Variants in FAAP20 observed in about 807,000 individuals in gnomAD.
The protein encoded by FAAP20 is FA core complex associated protein 20.
Under a neutral mutation model 16.2 loss-of-function variants are expected in FAAP20, and 12 were observed. The observed-to-expected ratio is 0.74, with a 90% CI of 0.48 to 1.20. The LOEUF is 1.20. FAAP20 is among the 50% of genes most tolerant of loss of function. The pLI, the probability that FAAP20 is intolerant of heterozygous loss-of-function variation, is 0.00. For missense variants in FAAP20, 288 were observed against 245.8 expected (o/e 1.17, Z -1.15); for synonymous variants, 141 against 110.7 (o/e 1.27, Z -1.72).
chr1:2,207,217 G>T (rs1302204552), downstream of FAAP20, among the ~76,000 whole-genome samples: 1 of 152,174 alleles, frequency 6.6e-6, no homozygotes, highest in Non-Finnish European at 1.5e-5. Flanking sequence ...GGTCCTGGTG[G>T]GGGCAGAGCT....
At chr1:2,208,401 A>T (rs1689345096), downstream of FAAP20, among the ~76,000 whole-genome samples, 1 of 152,070 alleles carries the variant, frequency 6.6e-6, no homozygotes, top group African/African-American at 2.4e-5. Flanking sequence ...TTGCAATCCA[A>T]ACTTGTTGTT....
At chr1:2,194,790 C>T, upstream of FAAP20, 1 of 1,117,630 alleles carries the variant, frequency 8.9e-7, no homozygotes, top group Non-Finnish European at 1.1e-6. Context: ...AGCCCCGCCC[C>T]CGCCCCTCCA....
At chr1:2,204,036 T>G (rs1284079493), upstream of FAAP20, among the ~76,000 whole-genome samples, 1 of 152,194 alleles carries the variant, frequency 6.6e-6, no homozygotes, top group African/African-American at 2.4e-5. Flanking sequence ...CCCTCCAGCC[T>G]GGGAGAGCCA....
chr1:2,190,221 G>A (rs1199320464), intron 3 of FAAP20: 6 of 459,922 alleles, frequency 1.3e-5, no homozygotes, highest in Non-Finnish European at 2.2e-5. Context: ...TGGATGTGCA[G>A]CTCACGTCAG....
intron 3 of FAAP20, chr1:2,190,184 G>C (rs866922682): frequency 2.1e-6 from 1 of 473,748 alleles, no homozygotes; most frequent in Middle Eastern, 3.2e-4. Flanking sequence ...GTCTACAGGA[G>C]GCAGAAGAGT....
At chr1:2,189,932 G>A in intron 3 of FAAP20, 151 bp from the exon 4 acceptor site, 2 of 674,896 alleles carry the variant, frequency 3.0e-6, no homozygotes, top group South Asian at 1.6e-5. Flanking sequence ...AGGGGCTCAT[G>A]CACCCGGCAG....
chr1:2,211,900 CT>C (rs60874812), downstream of FAAP20, among the ~76,000 whole-genome samples: 618 of 98,974 alleles, frequency 6.2e-3, 1 homozygote, highest in East Asian at 0.012. Flanking sequence ...CAAGCTGCTG[CT>C]TTTTTTTTTT....
chr1:2,199,266 C>G (rs1375058636), upstream of FAAP20: 4 of 1,098,886 alleles, frequency 3.6e-6, no homozygotes, highest in Non-Finnish European at 4.5e-6. The surrounding 1 kb of genome is among the most constrained non-coding windows in gnomAD (Gnocchi z 4.5). Flanking sequence ...GGTTCACACC[C>G]TCCCACAGCC....
chr1:2,190,779 A>G (rs1688130340), intron 3 of FAAP20: 1 of 274,648 alleles, frequency 3.6e-6, no homozygotes, highest in Non-Finnish European at 7.5e-6. Context: ...TGAGCGGCCA[A>G]GTCCACAGGA....
downstream of FAAP20, among the ~76,000 whole-genome samples, chr1:2,211,427 ATATATATATTTTTTTTTTT>A (rs1689440366): frequency 4.7e-5 from 1 of 21,084 alleles, no homozygotes; most frequent in Non-Finnish European, 7.0e-5. Context: ...ATATATATAT[ATATATATATTTTTTTTTTT>A]TTTTTTTTTT....
chr1:2,193,753 G>A lies in FAAP20; in HGVS notation c.356C>T (p.Pro119Leu), dbSNP rs998875403. Residue 119 changes from proline (P) to leucine (L), a missense_variant, in exon 3 of 4, where the codon CCC (proline) becomes CTC (leucine). Coordinates refer to ENST00000378546, the MANE Select transcript of FAAP20 (RefSeq NM_182533.4). ...GHLESPARSLPQRPAPDPCRA... is the reference protein window; with the variant it reads ...GHLESPARSLLQRPAPDPCRA... ...GCAGGGATCAGGTGCCGGGCGCTGG[G>A]GCAGGGACCTGGCGGGGGATTCCAG... 6 of 1,593,064 alleles carry A rather than the reference G, an allele frequency of 3.8e-6. No individual in the cohort carries two copies. The African/African-American group carries it at 5.4e-5, about 14-fold the overall frequency.
At chr1:2,193,466 C>T in intron 3 of FAAP20, 173 bp downstream of exon 3, 3 of 1,041,162 alleles carry the variant, frequency 2.9e-6, no homozygotes, top group Admixed American at 6.3e-5. Context: ...GACCCCAGAC[C>T]CGTGACAGAG....
rs1688261827 is a variant in FAAP20 at position 2,191,817 on chromosome 1, A to C, written c.470+1822T>G. ...GAGACAAAACGCAGCTCTGGCTCTC[A>C]ACATCCTCACCCCTCACCAGGTGCC... On this transcript the variant is annotated intron_variant, in intron 3 of 3. Coordinates refer to ENST00000378546, the MANE Select transcript of FAAP20 (RefSeq NM_182533.4). 9 of 984,926 alleles carry C rather than the reference A, an allele frequency of 9.1e-6. No individual in the cohort carries two copies. In the South Asian group the frequency reaches 3.8e-4, roughly 41 times the overall value. 61.0% of individuals were successfully genotyped at this position (984,926 alleles called of 1,614,324 possible).
chr1:2,193,443 C>T (rs1688478056), intron 3 of FAAP20, 196 bp downstream of exon 3: 4 of 826,488 alleles, frequency 4.8e-6, no homozygotes, highest in East Asian at 2.9e-5. Flanking sequence ...CCACAGAGCA[C>T]GGCAAGCAGG....
chr1:2,187,331 G>A (rs1313196990), downstream of FAAP20: 2 of 357,810 alleles, frequency 5.6e-6, no homozygotes, highest in African/African-American at 2.3e-5. Flanking sequence ...TTGAGACAGA[G>A]TATTACTCTG....
intron 3 of FAAP20, among the ~76,000 whole-genome samples, chr1:2,205,559 G>A (rs1689228434): frequency 6.6e-6 from 1 of 152,120 alleles, no homozygotes; most frequent in Admixed American, 6.5e-5. Context: ...GGGGGGTTCT[G>A]AGCGTGCAGT....
At chr1:2,210,577 G>C (rs920387472), downstream of FAAP20, among the ~76,000 whole-genome samples, 9 of 152,338 alleles carry the variant, frequency 5.9e-5, no homozygotes, top group Non-Finnish European at 1.3e-4. Flanking sequence ...GGGGCTGGGT[G>C]GGGGTGGCTC....
At chr1:2,188,980 G>A (rs1345338050), downstream of FAAP20, among the ~76,000 whole-genome samples, 1 of 149,818 alleles carries the variant, frequency 6.7e-6, no homozygotes, top group African/African-American at 2.5e-5. Context: ...ACTCCAGCCT[G>A]GGCGACAGAG....
intron 3 of FAAP20, 127 bp from the exon 4 acceptor site, chr1:2,189,908 G>A (rs2100643706): frequency 1.3e-6 from 1 of 763,248 alleles, no homozygotes; most frequent in East Asian, 2.7e-5. Flanking sequence ...AGAAACAAGG[G>A]ACGGGGCCAC....
Sources: gnomAD v4.1 joint callset for allele counts (sites outside exome capture counted in the v4.1 genomes callset) on GRCh38, gnomAD v4.1.1 for gene constraint, Gnocchi (gnomAD v3.1) non-coding constraint, MANE v1.5 for transcripts, NCBI Gene and HGNC (gene_info 2026-07-23, HGNC 2026-07-21) for gene names.